Variants in SNX5 observed in about 807,000 individuals in gnomAD.
The protein encoded by SNX5 is sorting nexin 5, also known as sorting nexin-5.
In SNX5, 31 loss-of-function variants were observed where a neutral mutation model predicts 53.9. The ratio of observed to expected loss-of-function variants is 0.58; its 90% CI spans 0.43 to 0.78. The LOEUF (loss-of-function observed/expected upper bound fraction) is 0.78. Ranked by LOEUF, SNX5 falls within the 30% of genes least tolerant of loss-of-function variation. The pLI is 0.00. For missense variants in SNX5, 471 were observed against 478.8 expected (o/e 0.98, Z 0.15); for synonymous variants, 168 against 171.1 (o/e 0.98, Z 0.14).
At chr20:17,960,263 C>G (rs1212050950) in intron 1 of SNX5, among the ~76,000 whole-genome samples, 1 of 151,758 alleles carries the variant, frequency 6.6e-6, no homozygotes, top group Non-Finnish European at 1.5e-5. Context: ...GAGATCGAGA[C>G]CAGCCTGACC....
intron 11 of SNX5, among the ~76,000 whole-genome samples, chr20:17,946,690 G>C (rs2039492248): frequency 6.6e-6 from 1 of 152,186 alleles, no homozygotes; most frequent in Non-Finnish European, 1.5e-5. Flanking sequence ...GTAACAGCTG[G>C]TTTAGGCAAG....
chr20:17,955,280 T>TA (rs1417661719), intron 3 of SNX5, 85 bp downstream of exon 3: 18 of 911,430 alleles, frequency 2.0e-5, no homozygotes, highest in South Asian at 4.7e-5. Flanking sequence ...CACAATCCAT[T>TA]AAAAAAAGTG....
At chr20:17,966,345 A>G (rs568485105) in intron 1 of SNX5, among the ~76,000 whole-genome samples, 52 of 151,562 alleles carry the variant, frequency 3.4e-4, no homozygotes, top group Non-Finnish European at 5.6e-4. Context: ...AGATCGAGCC[A>G]TTGCGCTCCA....
At chr20:17,949,778 G>C (rs1321758034) in intron 8 of SNX5, among the ~76,000 whole-genome samples, 28 of 152,100 alleles carry the variant, frequency 1.8e-4, no homozygotes, top group Admixed American at 1.8e-3. Context: ...CAAAAAAAAA[G>C]AAGGTCTAGG....
chr20:17,962,756 G>GCC (rs1265213221), intron 1 of SNX5: 1 of 519,192 alleles, frequency 1.9e-6, no homozygotes, highest in East Asian at 5.5e-5. Flanking sequence ...GTCTCAGAGG[G>GCC]CCCCGTCCCT....
chr20:17,954,185 T>C, intron 3 of SNX5, 68 bp from the exon 4 acceptor site: 1 of 1,593,554 alleles, frequency 6.3e-7, no homozygotes. Flanking sequence ...GGTGCCTCAT[T>C]CTACTCTTGC....
At chr20:17,958,911 A>G (rs1031905861) in intron 1 of SNX5, among the ~76,000 whole-genome samples, 2 of 152,212 alleles carry the variant, frequency 1.3e-5, no homozygotes, top group Admixed American at 1.3e-4. Context: ...AAGGTCAGGC[A>G]GGCCCAAGAA....
intron 10 of SNX5, 133 bp downstream of exon 10, chr20:17,948,757 C>A (rs958341905): frequency 1.0e-5 from 7 of 696,650 alleles, no homozygotes. Context: ...TTTATGGATA[C>A]AATGCCAGAA....
In SNX5 at chr20:17,949,051, C is replaced by T; in HGVS notation, c.831+13G>A. ...AAAATATATATTATGAAGACCAACA[C>T]AGAAATCCTTACCCTTAGTTTTTCA... On this transcript the variant is annotated intron_variant, in intron 9 of 12. Transcript: ENST00000377759. 3 of 1,611,762 alleles carry T rather than the reference C, an allele frequency of 1.9e-6. No individual in the cohort carries two copies. Among genetic ancestry groups the T allele is most frequent in the African/African-American group, 1.3e-5 (1 of 74,972 alleles).
chr20:17,950,572 G>A (rs1055620018), intron 6 of SNX5, among the ~76,000 whole-genome samples, 176 bp from the exon 7 acceptor site: 6 of 152,146 alleles, frequency 3.9e-5, no homozygotes, highest in African/African-American at 1.4e-4. Flanking sequence ...AACCAAGGCT[G>A]GGAAAAATCA....
chr20:17,959,317 C>T (rs2035412370), intron 1 of SNX5, among the ~76,000 whole-genome samples: 1 of 152,194 alleles, frequency 6.6e-6, no homozygotes, highest in Admixed American at 6.5e-5. Context: ...TCCCTTTCCC[C>T]ATGTAGAGGT....
At chr20:17,966,317 G>A (rs1284322646) in intron 1 of SNX5, among the ~76,000 whole-genome samples, 1 of 151,838 alleles carries the variant, frequency 6.6e-6, no homozygotes, top group Non-Finnish European at 1.5e-5. Context: ...CCCAGAAAGC[G>A]GAAGTTGCAG....
At chr20:17,953,260 A>G (rs994441281) in intron 4 of SNX5, among the ~76,000 whole-genome samples, 4 of 152,172 alleles carry the variant, frequency 2.6e-5, no homozygotes, top group African/African-American at 7.2e-5. Context: ...CCTAGATGAC[A>G]CAGGGGTTTG....
At chr20:17,943,465 T>C (rs1173542829) in intron 11 of SNX5, 4 of 400,990 alleles carry the variant, frequency 1.0e-5, no homozygotes, top group Non-Finnish European at 1.8e-5. Context: ...GGAGAACACG[T>C]TGATGAGCAG....
Position 17,957,048 on chromosome 20 carries a change from T to C in SNX5, c.52-11A>G, listed in dbSNP as rs765716238. 6.7e-7 allele frequency: 1 copy of C among 1,489,402 alleles called. No individual in the cohort carries two copies. Among genetic ancestry groups the C allele is most frequent in the Non-Finnish European group, 9.4e-7 (1 of 1,066,154 alleles). 92.3% of individuals were successfully genotyped at this position (1,489,402 alleles called of 1,614,324 possible). A position where few individuals can be genotyped will look rare whatever the true frequency, so the allele number is the denominator to read the frequency against. On this transcript the variant is annotated splice_polypyrimidine_tract_variant and intron_variant, in intron 1 of 12. Transcript: ENST00000377759. ...AGATACAGATCTCAGCTGAAATACA[T>C]TTTTTGCGTATTAGTTTCAAACTCA...
intron 1 of SNX5, among the ~76,000 whole-genome samples, chr20:17,966,941 ATTT>A (rs2035548036): frequency 6.6e-6 from 1 of 152,184 alleles, no homozygotes; most frequent in South Asian, 2.1e-4. Context: ...GTAATTATTT[ATTT>A]TTATTGTCTC....
At chr20:17,942,758 A>G (rs112604493) in intron 12 of SNX5, 2 of 364,094 alleles carry the variant, frequency 5.5e-6, no homozygotes, top group East Asian at 5.5e-5. Context: ...AGATTGAATA[A>G]AAGTTGCTAG....
chr20:17,950,759 C>T (rs151288339), intron 6 of SNX5, among the ~76,000 whole-genome samples: 2 of 152,222 alleles, frequency 1.3e-5, no homozygotes, highest in African/African-American at 4.8e-5. Flanking sequence ...TGGTTTCAGA[C>T]TGGGAGGAAA....
intron 1 of SNX5, chr20:17,968,044 G>A (rs2035586127): frequency 2.5e-6 from 1 of 398,610 alleles, no homozygotes; most frequent in Non-Finnish European, 4.4e-6. Flanking sequence ...TCACCTACTG[G>A]TCACCACGAA....
Sources: allele counts gnomAD v4.1 joint callset (sites outside exome capture counted in the v4.1 genomes callset), GRCh38; gene constraint gnomAD v4.1.1; transcripts MANE v1.5; gene names NCBI Gene and HGNC (gene_info 2026-07-23, HGNC 2026-07-21).